ASAP1: variants seen among roughly 807,000 people sequenced by gnomAD.
The protein encoded by ASAP1 is ArfGAP with SH3 domain, ankyrin repeat and PH domain 1.
A neutral mutation model predicts 145.2 loss-of-function variants in ASAP1; 43 were observed. That is an observed-to-expected ratio of 0.30 (90% confidence interval 0.23 to 0.38). ASAP1 has a LOEUF of 0.38. Among genes scored for constraint, ASAP1 ranks in the 10% least tolerant of loss-of-function variants. ASAP1 has a pLI of 1.00. For missense variants in ASAP1, 1,018 were observed against 1,355.3 expected (o/e 0.75, Z 3.91); for synonymous variants, 546 against 515.5 (o/e 1.06, Z -0.80).
At chr8:130,098,477 G>A (rs1211958948) in intron 24 of ASAP1, among the ~76,000 whole-genome samples, 1 of 152,130 alleles carries the variant, frequency 6.6e-6, no homozygotes, top group African/African-American at 2.4e-5. Context: ...CGAAGTAGCT[G>A]GGATTACAGG....
chr8:130,060,519 C>T, intron 28 of ASAP1, 60 bp downstream of exon 28: 5 of 1,526,974 alleles, frequency 3.3e-6, no homozygotes, highest in South Asian at 1.3e-5. Flanking sequence ...CACCTGCCCT[C>T]CCACCAACTT....
At chr8:130,158,827 G>A (rs1376341874) in intron 12 of ASAP1, among the ~76,000 whole-genome samples, 1 of 151,968 alleles carries the variant, frequency 6.6e-6, no homozygotes, top group East Asian at 1.9e-4. Context: ...TGCCTCCAGG[G>A]TTCGCACCAT....
intron 2 of ASAP1, among the ~76,000 whole-genome samples, chr8:130,378,511 G>A (rs999646492): frequency 2.0e-5 from 3 of 152,238 alleles, no homozygotes; most frequent in Non-Finnish European, 2.9e-5. Context: ...ATGTGGAGTG[G>A]TGCAAATAGC....
intron 24 of ASAP1, among the ~76,000 whole-genome samples, chr8:130,101,992 T>C (rs1465473783): frequency 1.3e-5 from 2 of 152,144 alleles, no homozygotes; most frequent in Non-Finnish European, 1.5e-5. Context: ...AATGTGTTTT[T>C]TGGTGACGTC....
intron 3 of ASAP1, among the ~76,000 whole-genome samples, chr8:130,302,551 A>G (rs1399016972): frequency 6.6e-6 from 1 of 152,244 alleles, no homozygotes; most frequent in African/African-American, 2.4e-5. Flanking sequence ...GGCACTGAAA[A>G]GAACAACCAA....
In ASAP1 at chr8:130,167,578, G is replaced by A. The variant is rs2097682530; in HGVS notation, c.867C>T (p.Leu289=). 6.2e-7 allele frequency: 1 copy of A among 1,613,590 alleles called. No individual in the cohort carries two copies. The highest frequency in any genetic ancestry group is 8.5e-7 in the Non-Finnish European group (1 of 1,179,720). The change falls in exon 11 of 30, where the codon CTC becomes CTT. Residue 289 remains leucine, a synonymous_variant. Coordinates refer to ENST00000518721, the MANE Select transcript of ASAP1 (RefSeq NM_018482.4). ...QDEEKKQLTA[L]RDLIKSSLQL... ...GAAGAGAGGATTTTATTAAGTCTCG[G>A]AGTGCAGTTAGCTGTTTCTTTTCTT...
At chr8:130,298,525 A>T (rs906400782) in intron 3 of ASAP1, among the ~76,000 whole-genome samples, 1 of 152,102 alleles carries the variant, frequency 6.6e-6, no homozygotes, top group Non-Finnish European at 1.5e-5. Flanking sequence ...TCTCCAATCC[A>T]TTCTCCACAC....
At chr8:130,219,550 C>T (rs1459510088) in intron 4 of ASAP1, among the ~76,000 whole-genome samples, 1 of 152,176 alleles carries the variant, frequency 6.6e-6, no homozygotes, top group Admixed American at 6.5e-5. Context: ...GGCCCACTCA[C>T]TTCAAGAGGT....
chr8:130,061,176 G>T, intron 27 of ASAP1, 107 bp from the exon 28 acceptor site: 1 of 1,362,154 alleles, frequency 7.3e-7, no homozygotes, highest in Non-Finnish European at 9.7e-7. Flanking sequence ...CCTATAGTGA[G>T]CACTTGAAAT....
intron 1 of ASAP1, among the ~76,000 whole-genome samples, chr8:130,434,414 C>T (rs12056781): frequency 0.095 from 14,512 of 152,064 alleles, 939 homozygotes; most frequent in South Asian, 0.27. Flanking sequence ...ATTTCAGGTT[C>T]GTCGTATATA....
intron 12 of ASAP1, among the ~76,000 whole-genome samples, chr8:130,154,162 CAT>C (rs1239743260): frequency 2.0e-5 from 3 of 152,296 alleles, no homozygotes; most frequent in South Asian, 2.1e-4. Context: ...TTTGGTAACT[CAT>C]ACACCACCCC....
chr8:130,060,032 C>G (rs1293748357), intron 28 of ASAP1, among the ~76,000 whole-genome samples: 2 of 144,490 alleles, frequency 1.4e-5, no homozygotes, highest in Admixed American at 1.4e-4. Flanking sequence ...GAGCTGTGAT[C>G]GCACCACTGC....
chr8:130,229,767 T>C (rs545177374), intron 4 of ASAP1, among the ~76,000 whole-genome samples: 1 of 152,306 alleles, frequency 6.6e-6, no homozygotes, highest in Admixed American at 6.5e-5. Context: ...AGGCTGGGCG[T>C]GCTGGCTCAC....
At chr8:130,112,530 T>A (rs893376752) in intron 23 of ASAP1, 16 of 509,510 alleles carry the variant, frequency 3.1e-5, no homozygotes, top group African/African-American at 3.1e-4. Flanking sequence ...CCACTATGAA[T>A]AATCACACTA....
intron 5 of ASAP1, among the ~76,000 whole-genome samples, chr8:130,214,119 C>A (rs1816747068): frequency 6.6e-6 from 1 of 152,168 alleles, no homozygotes; most frequent in Non-Finnish European, 1.5e-5. Flanking sequence ...GCATGATCAC[C>A]TTCACACAAG....
chr8:130,264,957 A>G (rs1325209671), intron 3 of ASAP1, among the ~76,000 whole-genome samples: 1 of 152,192 alleles, frequency 6.6e-6, no homozygotes, highest in African/African-American at 2.4e-5. Flanking sequence ...AAGAGGGAGG[A>G]ACACAGGCAA....
At chr8:130,185,396 G>A (rs1354763371) in intron 7 of ASAP1, among the ~76,000 whole-genome samples, 1 of 152,116 alleles carries the variant, frequency 6.6e-6, no homozygotes, top group Admixed American at 6.6e-5. Context: ...TAATGTGGTT[G>A]TGGTCTTCAC....
At chr8:130,257,034 A>G (rs1819609170) in intron 3 of ASAP1, among the ~76,000 whole-genome samples, 1 of 151,812 alleles carries the variant, frequency 6.6e-6, no homozygotes, top group Non-Finnish European at 1.5e-5. Flanking sequence ...ATATCAATGT[A>G]CCTTCTTATA....
chr8:130,370,214 A>C (rs185357564), intron 2 of ASAP1, among the ~76,000 whole-genome samples: 9 of 152,352 alleles, frequency 5.9e-5, no homozygotes, highest in African/African-American at 2.2e-4. Flanking sequence ...AGGCAGGAGA[A>C]TAGCTTGAAC....
Sources: allele counts gnomAD v4.1 joint callset (sites outside exome capture counted in the v4.1 genomes callset), GRCh38; gene constraint gnomAD v4.1.1; transcripts MANE v1.5; gene names NCBI Gene and HGNC (gene_info 2026-07-23, HGNC 2026-07-21).